Variants in COMMD10 observed in about 807,000 individuals in gnomAD.
COMMD10 encodes the protein COMM domain containing 10.
A neutral mutation model predicts 28.9 loss-of-function variants in COMMD10; 33 were observed. The ratio of observed to expected loss-of-function variants is 1.14; its 90% CI spans 0.87 to 1.53. The LOEUF (loss-of-function observed/expected upper bound fraction) is 1.53. COMMD10 is among the 40% of genes most tolerant of loss of function. The probability of loss-of-function intolerance (pLI) is 0.00; values close to 1 mark genes in which losing one functional copy is unlikely to be tolerated. For synonymous variants in COMMD10, 110 were observed against 81.7 expected (o/e 1.35, Z -1.87); for missense variants, 310 against 233.4 (o/e 1.33, Z -2.14).
chr5:116,112,558 GCACA>G (rs1751086655), intron 4 of COMMD10, among the ~76,000 whole-genome samples: 1 of 152,038 alleles, frequency 6.6e-6, no homozygotes, highest in African/African-American at 2.4e-5. Context: ...GCGCCACCAT[GCACA>G]GCTAATTTTT....
intron 5 of COMMD10, among the ~76,000 whole-genome samples, chr5:116,160,149 C>T (rs1043446426): frequency 9.2e-5 from 14 of 152,080 alleles, no homozygotes; most frequent in Non-Finnish European, 2.9e-5. Flanking sequence ...GACCCTTGAA[C>T]CTATTTTCTG....
At chr5:116,265,886 T>TCCTA in intron 5 of COMMD10, among the ~76,000 whole-genome samples, 1 of 151,810 alleles carries the variant, frequency 6.6e-6, no homozygotes, top group South Asian at 2.1e-4. Flanking sequence ...GAAGACAAGA[T>TCCTA]CCTACCCTTA....
intron 5 of COMMD10, among the ~76,000 whole-genome samples, chr5:116,244,466 A>G (rs1404428896): frequency 6.6e-6 from 1 of 152,068 alleles, no homozygotes; most frequent in Non-Finnish European, 1.5e-5. Context: ...TCTAGTGAAT[A>G]GACAAATGAA....
chr5:116,163,820 T>A (rs183091711), intron 5 of COMMD10, among the ~76,000 whole-genome samples: 29 of 152,336 alleles, frequency 1.9e-4, no homozygotes, highest in African/African-American at 6.5e-4. Flanking sequence ...ATGTCTTTTT[T>A]AATTTTTTAA....
intron 5 of COMMD10, among the ~76,000 whole-genome samples, chr5:116,220,752 AAAT>A (rs778785014): frequency 1.3e-5 from 2 of 152,214 alleles, no homozygotes; most frequent in African/African-American, 4.8e-5. Flanking sequence ...TTCAAACAAC[AAAT>A]AATAACAGCT....
intron 5 of COMMD10, among the ~76,000 whole-genome samples, chr5:116,245,838 C>T (rs759623574): frequency 1.2e-4 from 18 of 151,996 alleles, no homozygotes; most frequent in Non-Finnish European, 1.8e-4. Flanking sequence ...GAACATACTT[C>T]AAAATGAGAG....
chr5:116,146,685 T>C lies in COMMD10; in HGVS notation c.510+12507T>C, dbSNP rs531208716. Among the ~76,000 whole-genome samples, 15 of 151,992 alleles carry C rather than the reference T, an allele frequency of 9.9e-5. No individual in the cohort carries two copies. In the South Asian group the frequency reaches 3.1e-3, roughly 31 times the overall value. ...TGTGAATACTTAAATATGTCTTTAA[T>C]GGATTGTGGGGATTTTAGTCTTTTC... On this transcript the variant is annotated intron_variant, in intron 5 of 6. Transcript: ENST00000274458.
intron 5 of COMMD10, among the ~76,000 whole-genome samples, chr5:116,284,351 TG>T (rs1751162224): frequency 6.6e-6 from 1 of 151,826 alleles, no homozygotes; most frequent in African/African-American, 2.4e-5. Flanking sequence ...TATGTGTGTG[TG>T]TGTGTATATA....
At chr5:116,203,118 T>C (rs995536172) in intron 5 of COMMD10, among the ~76,000 whole-genome samples, 25 of 152,118 alleles carry the variant, frequency 1.6e-4, no homozygotes, top group Admixed American at 1.6e-3. Flanking sequence ...TAGCCAGTTT[T>C]CCCAGCACCA....
At chr5:116,086,180 C>T (rs959411474) in intron 1 of COMMD10, among the ~76,000 whole-genome samples, 2 of 152,140 alleles carry the variant, frequency 1.3e-5, no homozygotes, top group African/African-American at 2.4e-5. Context: ...CCGCCTATGC[C>T]ATATGGAGAG....
At chr5:116,255,128 TTTTTTTG>T (rs1165039747) in intron 5 of COMMD10, among the ~76,000 whole-genome samples, 1 of 151,730 alleles carries the variant, frequency 6.6e-6, no homozygotes, top group Non-Finnish European at 1.5e-5. Context: ...AACCCCTGCC[TTTTTTTG>T]TTTTCCATTT....
chr5:116,163,781 T>C (rs1302093500), intron 5 of COMMD10, among the ~76,000 whole-genome samples: 1 of 152,216 alleles, frequency 6.6e-6, no homozygotes, highest in Non-Finnish European at 1.5e-5. Context: ...TAGAATACTT[T>C]CTATGCTTTT....
At chr5:116,202,730 G>T (rs894871933) in intron 5 of COMMD10, among the ~76,000 whole-genome samples, 3 of 151,236 alleles carry the variant, frequency 2.0e-5, no homozygotes, top group Admixed American at 6.6e-5. Flanking sequence ...TTTTGATGGG[G>T]TTGTTTGTTT....
At chr5:116,243,971 A>C (rs1156659004) in intron 5 of COMMD10, among the ~76,000 whole-genome samples, 1 of 152,168 alleles carries the variant, frequency 6.6e-6, no homozygotes, top group Non-Finnish European at 1.5e-5. Context: ...GTCAATGGAA[A>C]GCCGGGAGGA....
chr5:116,098,773 A>G (rs187730946), intron 4 of COMMD10, among the ~76,000 whole-genome samples: 24 of 152,286 alleles, frequency 1.6e-4, no homozygotes, highest in Non-Finnish European at 3.2e-4. Flanking sequence ...TAAAAAATCA[A>G]AAGGTGTTTA....
chr5:116,277,977 G>C (rs1444485758), intron 5 of COMMD10, among the ~76,000 whole-genome samples: 1 of 151,718 alleles, frequency 6.6e-6, no homozygotes, highest in Non-Finnish European at 1.5e-5. Flanking sequence ...TTTGAATGTT[G>C]AGATCATAAT....
Position 116,283,165 on chromosome 5 carries a change from T to TA in COMMD10, c.511-8347dup, listed in dbSNP as rs1035423493. Among the ~76,000 whole-genome samples the TA allele has an allele frequency of 6.2e-4, 94 of 151,998 alleles. 2 individuals carry two copies. The highest frequency in any genetic ancestry group is 2.2e-3 in the African/African-American group (89 of 41,296). On this transcript the variant is annotated intron_variant, in intron 5 of 6. Coordinates refer to ENST00000274458, the MANE Select transcript of COMMD10 (RefSeq NM_016144.4). Reference sequence around the variant, plus strand: ...TCATGCAATACTGCAGATGACTCAGTAAAAATCCATCACCTCTCCTACAAA... The same window carrying TA: ...TCATGCAATACTGCAGATGACTCAGTAAAAAATCCATCACCTCTCCTACAAA...
At chr5:116,245,201 G>A (rs1010991156) in intron 5 of COMMD10, among the ~76,000 whole-genome samples, 1 of 152,040 alleles carries the variant, frequency 6.6e-6, no homozygotes, top group Non-Finnish European at 1.5e-5. Context: ...ATAACCATCG[G>A]AGGATATTAT....
chr5:116,183,361 T>G (rs918909447), intron 5 of COMMD10, among the ~76,000 whole-genome samples: 1 of 152,130 alleles, frequency 6.6e-6, no homozygotes, highest in Non-Finnish European at 1.5e-5. Context: ...CCTGAAGTAG[T>G]TTTGAAAATC....
Sources: gnomAD v4.1 joint callset for allele counts (sites outside exome capture counted in the v4.1 genomes callset) on GRCh38, gnomAD v4.1.1 for gene constraint, MANE v1.5 for transcripts, NCBI Gene and HGNC (gene_info 2026-07-23, HGNC 2026-07-21) for gene names.